USP28: variants seen among roughly 807,000 people sequenced by gnomAD.
USP28 encodes ubiquitin carboxyl-terminal hydrolase 28.
USP28 carries 113 observed loss-of-function variants against 145.0 expected under a neutral mutation model. That is an observed-to-expected ratio of 0.78 (90% CI 0.67 to 0.91). The LOEUF (loss-of-function observed/expected upper bound fraction) is 0.91, where lower values mean the gene tolerates loss of function less well. Among genes scored for constraint, USP28 ranks in the 40% least tolerant of loss-of-function variants. The probability of loss-of-function intolerance (pLI) is 0.00; values close to 1 mark genes in which losing one functional copy is unlikely to be tolerated. For synonymous variants in USP28, 447 were observed against 450.9 expected (o/e 0.99, Z 0.11); for missense variants, 1,201 against 1,289.6 (o/e 0.93, Z 1.05).
At chr11:113,850,599 C>T (rs1946348836) in intron 3 of USP28, among the ~76,000 whole-genome samples, 1 of 152,162 alleles carries the variant, frequency 6.6e-6, no homozygotes, top group African/African-American at 2.4e-5. Flanking sequence ...GCCTTCCTCC[C>T]AGAAGGTTCC....
chr11:113,808,581 G>A (rs1940435873), intron 17 of USP28, 144 bp from the exon 18 acceptor site: 1 of 822,010 alleles, frequency 1.2e-6, no homozygotes. Flanking sequence ...ATTTTCCCTA[G>A]AAATTAATAA....
chr11:113,819,379 C>G (rs1440444029), intron 12 of USP28, among the ~76,000 whole-genome samples: 2 of 152,096 alleles, frequency 1.3e-5, no homozygotes, highest in African/African-American at 4.8e-5. Context: ...TCCCAAAGTG[C>G]TGGGATTACA....
At chr11:113,833,505 A>T (rs1334355394) in exon 7 of USP28, 1 of 1,614,226 alleles carries the variant, frequency 6.2e-7, no homozygotes, top group East Asian at 2.2e-5. Flanking sequence ...TGATCCCATC[A>T]TTAGAGCAAA....
intron 23 of USP28, among the ~76,000 whole-genome samples, chr11:113,802,637 T>C (rs1204137214): frequency 2.0e-5 from 3 of 152,172 alleles, no homozygotes; most frequent in African/African-American, 7.2e-5. Context: ...TCTTCACTAG[T>C]ATGTGACAAT....
chr11:113,819,207 G>T (rs1405793057), intron 12 of USP28, among the ~76,000 whole-genome samples: 1 of 151,746 alleles, frequency 6.6e-6, no homozygotes, highest in African/African-American at 2.4e-5. Context: ...CTGCCTCCTG[G>T]GTTCAAGCAA....
intron 16 of USP28, among the ~76,000 whole-genome samples, chr11:113,809,999 C>T (rs1467278702): frequency 2.1e-5 from 3 of 140,102 alleles, no homozygotes; most frequent in African/African-American, 5.4e-5. Context: ...TGCGCCACTG[C>T]GCTCCAGCCT....
intron 5 of USP28, among the ~76,000 whole-genome samples, chr11:113,839,112 G>A (rs149741514): frequency 6.6e-6 from 1 of 152,188 alleles, no homozygotes; most frequent in African/African-American, 2.4e-5. Context: ...CACTTTTTCT[G>A]AAGTACAGAT....
At chr11:113,804,810 G>A in intron 20 of USP28, 58 bp downstream of exon 21, 1 of 1,611,550 alleles carries the variant, frequency 6.2e-7, no homozygotes, top group South Asian at 1.1e-5. Context: ...TTCCCCAACA[G>A]AGGAGTCCAT....
At chr11:113,806,307 A>G (rs560409465) in intron 19 of USP28, among the ~76,000 whole-genome samples, 182 bp downstream of exon 20, 1 of 152,074 alleles carries the variant, frequency 6.6e-6, no homozygotes, top group Admixed American at 6.5e-5. Flanking sequence ...CAATCACAGT[A>G]CATTTCAGCC....
At position 113,820,461 on chromosome 11, in the gene USP28, G is replaced by A. The variant is rs114152069; in HGVS notation, c.1284-2624C>T. 539 of 152,222 alleles carry A rather than the reference G, an allele frequency of 3.5e-3. 2 individuals are homozygous for A. The highest frequency in any genetic ancestry group is 0.013 in the African/African-American group (525 of 41,532). The allele number at this position is 152,222 out of a possible 1,614,324, so 9.4% of individuals were successfully genotyped here. On this transcript the variant is annotated intron_variant, in intron 12 of 24. Coordinates refer to ENST00000003302, the Ensembl canonical transcript of USP28. ...AAAGAAGGTGCTGTTAATTACTCAAGAAGAAGAGGCACAAAATGAGCCATA... is the reference window on the plus strand; with the variant it reads ...AAAGAAGGTGCTGTTAATTACTCAAAAAGAAGAGGCACAAAATGAGCCATA...
At chr11:113,812,173 T>A (rs1338015794) in intron 16 of USP28, 103 bp downstream of exon 16, 1 of 715,330 alleles carries the variant, frequency 1.4e-6, no homozygotes, top group Admixed American at 3.1e-5. Context: ...TATTATTATA[T>A]AATAGTAAGT....
At chr11:113,849,827 G>A (rs1439312901) in intron 3 of USP28, among the ~76,000 whole-genome samples, 1 of 152,158 alleles carries the variant, frequency 6.6e-6, no homozygotes, top group South Asian at 2.1e-4. Flanking sequence ...CAGTGAGACT[G>A]ATGCTGGCAA....
rs1304086959 is a variant in USP28, at chr11:113,800,840, GA to G, written c.3058+642del. ...CCCCTCCCATAACCATACTCTGCAT[GA>G]TTTTTTTTTTTTTTTTTTGGATATG... On this transcript the variant is annotated intron_variant, in intron 24 of 24. Coordinates refer to ENST00000003302, the Ensembl canonical transcript of USP28. 2.3e-4 allele frequency among the ~76,000 whole-genome samples: 33 copies of G among 145,396 alleles called. No individual in the cohort carries two copies. In the South Asian group the frequency reaches 6.9e-3, roughly 31 times the overall value.
At chr11:113,822,587 T>C (rs1484317033) in intron 12 of USP28, 2 of 150,024 alleles carry the variant, frequency 1.3e-5, no homozygotes, top group Admixed American at 1.3e-4. Flanking sequence ...TAGCTGGGAT[T>C]ATAGGCACAT....
At chr11:113,830,136 C>T (rs1943826391) in intron 9 of USP28, among the ~76,000 whole-genome samples, 1 of 152,146 alleles carries the variant, frequency 6.6e-6, no homozygotes, top group Non-Finnish European at 1.5e-5. Context: ...GGGGAGCCTA[C>T]AAATATTCAG....
chr11:113,867,804 G>GGGGA (rs925645497), intron 1 of USP28, among the ~76,000 whole-genome samples: 86 of 123,682 alleles, frequency 7.0e-4, no homozygotes, highest in African/African-American at 2.5e-3. Context: ...AGAAGGAAGG[G>GGGGA]GGGAGGGAGG....
chr11:113,841,849 A>G, intron 3 of USP28, 81 bp from the exon 4 acceptor site: 1 of 903,026 alleles, frequency 1.1e-6, no homozygotes, highest in South Asian at 2.0e-5. Context: ...GTAAAGACAT[A>G]CTCCCTAGCT....
chr11:113,861,435 A>T (rs1338934629), intron 1 of USP28, among the ~76,000 whole-genome samples: 1 of 152,248 alleles, frequency 6.6e-6, no homozygotes, highest in Non-Finnish European at 1.5e-5. Flanking sequence ...GAGTTTATTA[A>T]CTGGCTTAAA....
intron 12 of USP28, among the ~76,000 whole-genome samples, chr11:113,819,764 G>A (rs1418299324): frequency 6.6e-6 from 1 of 152,152 alleles, no homozygotes. Flanking sequence ...TTGTTGCCCA[G>A]GCTGGGGTGC....
Sources: allele counts gnomAD v4.1 joint callset (sites outside exome capture counted in the v4.1 genomes callset), GRCh38; gene constraint gnomAD v4.1.1; transcripts MANE v1.5; gene names NCBI Gene and HGNC (gene_info 2026-07-23, HGNC 2026-07-21).